The following CHD1L variants were observed in gnomAD, a reference collection of about 807,000 sequenced individuals.
CHD1L encodes the protein chromodomain helicase DNA binding protein 1 like, also known as ATP-dependent chromatin remodeler CHD1L.
A neutral mutation model predicts 115.9 loss-of-function variants in CHD1L; 118 were observed. The ratio of observed to expected loss-of-function variants is 1.02; its 90% CI spans 0.88 to 1.19. The LOEUF (loss-of-function observed/expected upper bound fraction) is 1.19. Ranked by LOEUF, CHD1L falls within the 50% of genes most tolerant of loss-of-function variation. The pLI is 0.00. For missense variants in CHD1L, 1,179 were observed against 1,065.3 expected (o/e 1.11, Z -1.49); for synonymous variants, 411 against 387.1 (o/e 1.06, Z -0.72).
At chr1:147,251,228 T>C (rs1553936210) in intron 1 of CHD1L, among the ~76,000 whole-genome samples, 3 of 152,240 alleles carry the variant, frequency 2.0e-5, no homozygotes, top group Non-Finnish European at 4.4e-5. Context: ...GGCTGATTTC[T>C]TGAACTGTCA....
chr1:147,286,510 GTGGTA>G lies in CHD1L; in HGVS notation c.2221+14_2221+18del. ...ATTGTGCACTGCGTAGGTACGAGAA[GTGGTA>G]TGGGCTGGGGATGGGGGCCTCAGTC... On this transcript the variant is annotated intron_variant, in intron 18 of 22. Coordinates refer to ENST00000369258, the MANE Select transcript of CHD1L (RefSeq NM_004284.6). 2 of 1,612,726 alleles carry G rather than the reference GTGGTA, an allele frequency of 1.2e-6. No homozygotes were observed. Among genetic ancestry groups the G allele is most frequent in the Non-Finnish European group, 1.7e-6 (2 of 1,179,792 alleles).
At chr1:147,177,982 A>G in the CHD1L span, 19 of 548,364 alleles carry the variant, frequency 3.5e-5, no homozygotes, top group Admixed American at 1.1e-4. Context: ...GCAAAATGGG[A>G]CCCTGAATCT....
rs192526838 is a variant in CHD1L at position 147,284,234 on chromosome 1, C to G, written c.1706-117C>G. On this transcript the variant is annotated intron_variant, in intron 15 of 22. Transcript: ENST00000369258. ...AATGAAATACCTTCCTTCATATGGA[C>G]TTAGCCCATTTAGAATATAGGCTGT... The G allele has an allele frequency of 1.2e-5, 9 of 779,248 alleles. 1 individual carries two copies. The allele number at this position is 779,248 out of a possible 1,614,324, so 48.3% of individuals were successfully genotyped here. A position where few individuals can be genotyped will look rare whatever the true frequency, so the allele number is the denominator to read the frequency against.
intron 4 of CHD1L, 108 bp downstream of exon 4, chr1:147,256,035 G>A: frequency 1.6e-6 from 1 of 635,652 alleles, no homozygotes; most frequent in South Asian, 2.6e-5. Flanking sequence ...ACTTTTCTGG[G>A]CAGGGAGTCT....
the CHD1L span, chr1:147,178,969 G>T: frequency 3.1e-6 from 5 of 1,613,192 alleles, 1 homozygote; most frequent in Middle Eastern, 6.6e-4. Flanking sequence ...GGTAATGATG[G>T]TGGCAAAGAA....
At chr1:147,220,319 A>G in the CHD1L span, among the ~76,000 whole-genome samples, 1 of 152,224 alleles carries the variant, frequency 6.6e-6, no homozygotes, top group Admixed American at 6.5e-5. Flanking sequence ...ATGGAGAGAT[A>G]TTCTGATTCA....
the CHD1L span, among the ~76,000 whole-genome samples, chr1:147,183,207 GATAAC>G: frequency 6.6e-6 from 1 of 151,986 alleles, no homozygotes; most frequent in Non-Finnish European, 1.5e-5. Flanking sequence ...CAAAAAAAAA[GATAAC>G]ATACTGATTC....
the CHD1L span, among the ~76,000 whole-genome samples, chr1:147,202,160 C>T: frequency 6.6e-6 from 1 of 151,898 alleles, no homozygotes; most frequent in Non-Finnish European, 1.5e-5. Flanking sequence ...TCTTGGTATA[C>T]TTCGGGCTTG....
At chr1:147,212,645 T>A in the CHD1L span, 1 of 1,027,340 alleles carries the variant, frequency 9.7e-7, no homozygotes. Context: ...ATTCTCCAAG[T>A]GTTCTCTTTA....
the CHD1L span, among the ~76,000 whole-genome samples, chr1:147,205,159 C>CAG: frequency 6.6e-6 from 1 of 152,154 alleles, no homozygotes; most frequent in East Asian, 1.9e-4. Flanking sequence ...ATTTGTTTGG[C>CAG]TATCTCCTAT....
intron 19 of CHD1L, among the ~76,000 whole-genome samples, chr1:147,288,181 T>C (rs1341778386): frequency 6.6e-6 from 1 of 151,680 alleles, no homozygotes; most frequent in African/African-American, 2.4e-5. Context: ...AAAAATTGGC[T>C]GGATGTGGTG....
the CHD1L span, chr1:147,187,055 C>T: frequency 6.2e-7 from 1 of 1,614,128 alleles, no homozygotes; most frequent in Admixed American, 1.7e-5. Flanking sequence ...TTTCGAGCCC[C>T]ATCCCACTTT....
At chr1:147,195,180 C>A in the CHD1L span, among the ~76,000 whole-genome samples, 1 of 152,144 alleles carries the variant, frequency 6.6e-6, no homozygotes, top group Non-Finnish European at 1.5e-5. Flanking sequence ...CACATAGTCC[C>A]ATATTCCTTG....
chr1:147,234,195 A>G, the CHD1L span, among the ~76,000 whole-genome samples: 1 of 152,204 alleles, frequency 6.6e-6, no homozygotes, highest in Non-Finnish European at 1.5e-5. Context: ...TGGATTACCA[A>G]TAAACAGCGT....
intron 15 of CHD1L, 24 bp downstream of exon 15, chr1:147,280,215 C>G (rs587702297): frequency 2.6e-6 from 4 of 1,538,330 alleles, no homozygotes; most frequent in African/African-American, 1.4e-5. Context: ...TAGAGCAGAG[C>G]AAATGGCACA....
At chr1:147,234,645 T>G in the CHD1L span, among the ~76,000 whole-genome samples, 1 of 152,230 alleles carries the variant, frequency 6.6e-6, no homozygotes, top group African/African-American at 2.4e-5. Context: ...TAATTTATTT[T>G]GAATGGACAA....
the CHD1L span, among the ~76,000 whole-genome samples, chr1:147,202,815 C>G: frequency 6.6e-5 from 10 of 152,280 alleles, no homozygotes; most frequent in East Asian, 1.9e-3. Context: ...TTTTCACCAG[C>G]AGTACCACCA....
intron 19 of CHD1L, 114 bp from the exon 20 acceptor site, chr1:147,291,368 G>A: frequency 4.9e-6 from 4 of 823,414 alleles, no homozygotes; most frequent in South Asian, 2.9e-5. Flanking sequence ...AAAGGGCTGT[G>A]TAGGAAGGTG....
At chr1:147,230,107 T>G in the CHD1L span, among the ~76,000 whole-genome samples, 5 of 93,376 alleles carry the variant, frequency 5.4e-5, no homozygotes, top group Non-Finnish European at 7.4e-5. Context: ...AGGGAATGCT[T>G]CCAGTTTTTG....
Sources: gnomAD v4.1 joint callset for allele counts (sites outside exome capture counted in the v4.1 genomes callset) on GRCh38, gnomAD v4.1.1 for gene constraint, MANE v1.5 for transcripts, NCBI Gene and HGNC (gene_info 2026-07-23, HGNC 2026-07-21) for gene names.